The following PROM2 variants were observed in gnomAD, a reference collection of about 807,000 sequenced individuals.
PROM2 encodes prominin 2, also known as prominin-2.
Under a neutral mutation model 110.2 loss-of-function variants are expected in PROM2, and 90 were observed. The ratio of observed to expected loss-of-function variants is 0.82; its 90% CI spans 0.69 to 0.97. PROM2 has a LOEUF of 0.97. Among genes scored for constraint, PROM2 ranks in the 50% least tolerant of loss-of-function variants. The probability of loss-of-function intolerance (pLI) is 0.00; values close to 1 mark genes in which losing one functional copy is unlikely to be tolerated. For missense variants in PROM2, 1,009 were observed against 1,074.8 expected (o/e 0.94, Z 0.86); for synonymous variants, 470 against 467.8 (o/e 1.00, Z -0.06).
At chr2:95,285,577 G>C in intron 15 of PROM2, 62 bp from the exon 16 acceptor site, 1 of 1,393,072 alleles carries the variant, frequency 7.2e-7, no homozygotes, top group Non-Finnish European at 9.9e-7. Context: ...GCTGGGATCA[G>C]GTGGTGGTGG....
At position 95,276,537 on chromosome 2, in the gene PROM2, G is replaced by A; in HGVS notation, c.619-57G>A. On this transcript the variant is annotated intron_variant, in intron 4 of 23. Transcript: ENST00000317620. This position sits in a 1 kb window ranked among gnomAD's most constrained non-coding sequence, Gnocchi z 4.6. Reference sequence around the variant, plus strand: ...GCAGGGAAGGGGCCAGGGAGAGAAGGGCGTAAGGACTGTGGGTGACCAGGA... The same window carrying A: ...GCAGGGAAGGGGCCAGGGAGAGAAGAGCGTAAGGACTGTGGGTGACCAGGA... 5 of 1,611,970 alleles carry A rather than the reference G, an allele frequency of 3.1e-6. No individual in the cohort carries two copies. The Admixed American group carries it at 8.3e-5, about 27-fold the overall frequency.
intron 13 of PROM2, 23 bp from the exon 14 acceptor site, chr2:95,282,119 C>T: frequency 1.2e-6 from 2 of 1,611,712 alleles, no homozygotes. Context: ...GGCTCATCGT[C>T]TGCACCCCTC....
intron 16 of PROM2, 24 bp from the exon 17 acceptor site, chr2:95,286,455 G>T (rs117646334): frequency 6.2e-7 from 1 of 1,607,484 alleles, no homozygotes; most frequent in Non-Finnish European, 8.5e-7. Context: ...GGGCGGGGCC[G>T]TTCTGATTTT....
intron 12 of PROM2, among the ~76,000 whole-genome samples, chr2:95,281,619 C>A (rs1677051532): frequency 6.6e-6 from 1 of 152,140 alleles, no homozygotes; most frequent in Non-Finnish European, 1.5e-5. Context: ...CTGACCCATT[C>A]CCTCTCATCT....
intron 7 of PROM2, 104 bp from the exon 8 acceptor site, chr2:95,277,826 G>T: frequency 1.0e-6 from 1 of 989,592 alleles, no homozygotes. Flanking sequence ...TTTTACACTT[G>T]AGGACATTGG....
chr2:95,287,067 G>A (rs1401314968), intron 18 of PROM2, 66 bp from the exon 19 acceptor site: 8 of 1,439,420 alleles, frequency 5.6e-6, no homozygotes, highest in Non-Finnish European at 7.8e-6. Flanking sequence ...GTGCTGTGGT[G>A]TGTGTTGAAT....
chr2:95,276,597 CT>C lies in PROM2; in HGVS notation c.623del (p.Leu208ArgfsTer24). On this transcript the variant is annotated frameshift_variant, in exon 5 of 24. Coordinates refer to ENST00000317620, the MANE Select transcript of PROM2 (RefSeq NM_001165978.3). LOFTEE classifies it high-confidence loss of function. This position sits in a 1 kb window ranked among gnomAD's most constrained non-coding sequence, Gnocchi z 4.6. ...TCAGGGCCTTGTGTTTGCCTAGGAG[CT>C]GCAGGCCGTGGCACAGCAATTCTCC... ...WGLVSDVPQE[L>X]QAVAQQFSLP... The C allele has an allele frequency of 6.2e-7, 1 of 1,613,866 alleles. No individual in the cohort carries two copies. Among genetic ancestry groups the C allele is most frequent in the South Asian group, 1.1e-5 (1 of 91,070 alleles).
intron 8 of PROM2, 123 bp from the exon 9 acceptor site, chr2:95,278,598 G>A: frequency 8.8e-7 from 1 of 1,139,480 alleles, no homozygotes; most frequent in Non-Finnish European, 1.3e-6. Context: ...CAGCGACCAA[G>A]AGAAAAGAGG....
Position 95,276,563 on chromosome 2 carries a change from A to G in PROM2, c.619-31A>G. On this transcript the variant is annotated intron_variant, in intron 4 of 23. Transcript: ENST00000317620. The surrounding 1 kb of genome is among the most constrained non-coding windows in gnomAD (Gnocchi z 4.6). ...GCGTAAGGACTGTGGGTGACCAGGAAGGGCAGCCTCAGGGCCTTGTGTTTG... is the reference window on the plus strand; with the variant it reads ...GCGTAAGGACTGTGGGTGACCAGGAGGGGCAGCCTCAGGGCCTTGTGTTTG... 2 of 1,613,846 alleles carry G rather than the reference A, an allele frequency of 1.2e-6. No individual in the cohort carries two copies. The highest frequency in any genetic ancestry group is 1.7e-6 in the Non-Finnish European group (2 of 1,179,890).
intron 12 of PROM2, among the ~76,000 whole-genome samples, chr2:95,281,661 GC>G (rs1234243448): frequency 6.6e-6 from 1 of 152,150 alleles, no homozygotes; most frequent in Non-Finnish European, 1.5e-5. Context: ...GGACCCTGGT[GC>G]CCGGTGAGCT....
At chr2:95,284,489 C>G (rs545354592) in intron 14 of PROM2, among the ~76,000 whole-genome samples, 1 of 151,674 alleles carries the variant, frequency 6.6e-6, no homozygotes, top group African/African-American at 2.4e-5. Flanking sequence ...AGACCCTGTC[C>G]GCTTCCCCAA....
Position 95,287,229 on chromosome 2 carries a change from G to C in PROM2, c.2175+16G>C. 1 of 1,611,314 alleles carries C rather than the reference G, an allele frequency of 6.2e-7. No individual in the cohort carries two copies. Among genetic ancestry groups the C allele is most frequent in the Non-Finnish European group, 8.5e-7 (1 of 1,177,982 alleles). ...CCTGAGGAATGTGAGTGGTGGGTGG[G>C]ACAGGGAAGGGGCTTCCACCCCAGG... On this transcript the variant is annotated intron_variant, in intron 19 of 23. Coordinates refer to ENST00000317620, the MANE Select transcript of PROM2 (RefSeq NM_001165978.3).
intron 18 of PROM2, 130 bp from the exon 19 acceptor site, chr2:95,287,003 G>C (rs1677401627): frequency 1.8e-5 from 23 of 1,255,422 alleles, no homozygotes; most frequent in East Asian, 2.4e-5. Context: ...AGCAGAGCCT[G>C]GGGGATCACC....
intron 16 of PROM2, 21 bp from the exon 17 acceptor site, chr2:95,286,458 C>T: frequency 6.2e-7 from 1 of 1,609,862 alleles, no homozygotes; most frequent in African/African-American, 1.3e-5. Context: ...CGGGGCCGTT[C>T]TGATTTTTGT....
rs1357501095 is a variant in PROM2, at chr2:95,274,482, T to A, written c.-104T>A. On this transcript the variant is annotated 5_prime_UTR_variant, in exon 1 of 24. Coordinates refer to ENST00000317620, the MANE Select transcript of PROM2 (RefSeq NM_001165978.3). Reference sequence around the variant, plus strand: ...AGGAACCCAAACCTGTCGGGCAGGTTTTGAGAGCTGTGGAGAGAGGGACAG... The same window carrying A: ...AGGAACCCAAACCTGTCGGGCAGGTATTGAGAGCTGTGGAGAGAGGGACAG... 2.1e-6 allele frequency: 3 copies of A among 1,409,228 alleles called. No individual in the cohort carries two copies. The East Asian group carries it at 7.8e-5, about 36-fold the overall frequency. 87.3% of individuals were successfully genotyped at this position (1,409,228 alleles called of 1,614,324 possible).
chr2:95,278,093 C>G, intron 8 of PROM2, 89 bp downstream of exon 8: 5 of 1,177,844 alleles, frequency 4.2e-6, no homozygotes, highest in Non-Finnish European at 6.2e-6. Flanking sequence ...CCAGTTGAAC[C>G]TAATATTTGG....
chr2:95,290,057 C>A lies in PROM2; in HGVS notation c.*844C>A, dbSNP rs1277199264. The A allele has an allele frequency of 6.6e-6, 1 of 152,316 alleles. No homozygotes were observed. The highest frequency in any genetic ancestry group is 2.4e-5 in the African/African-American group (1 of 41,462). The allele number at this position is 152,316 out of a possible 1,614,324, so 9.4% of individuals were successfully genotyped here. ...TGGCTCCCAAGGAAGGGACCTGGGACCTGGGCCACAGTGGGGGCTTGCCCT... is the reference window on the plus strand; with the variant it reads ...TGGCTCCCAAGGAAGGGACCTGGGAACTGGGCCACAGTGGGGGCTTGCCCT... On this transcript the variant is annotated 3_prime_UTR_variant, in exon 24 of 24. Transcript: ENST00000317620.
At chr2:95,281,125 C>G (rs1330698646) in intron 11 of PROM2, 117 bp from the exon 12 acceptor site, 2 of 1,389,940 alleles carry the variant, frequency 1.4e-6, no homozygotes, top group Non-Finnish European at 9.7e-7. Flanking sequence ...CCTCTAAAGG[C>G]TCTGTGCTGG....
chr2:95,280,170 G>A (rs962217254), intron 11 of PROM2, among the ~76,000 whole-genome samples, 173 bp downstream of exon 11: 2 of 152,128 alleles, frequency 1.3e-5, no homozygotes, highest in Admixed American at 6.5e-5. Context: ...TACAGCAGGG[G>A]CAACTGTAGC....
Sources: allele counts gnomAD v4.1 joint callset (sites outside exome capture counted in the v4.1 genomes callset), GRCh38; gene constraint gnomAD v4.1.1; non-coding constraint Gnocchi (gnomAD v3.1); transcripts MANE v1.5; gene names NCBI Gene and HGNC (gene_info 2026-07-23, HGNC 2026-07-21).